The following CDH7 variants were observed in gnomAD, a reference collection of about 807,000 sequenced individuals.
The protein encoded by CDH7 is cadherin 7.
CDH7 carries 25 observed loss-of-function variants against 71.8 expected under a neutral mutation model. The observed-to-expected ratio is 0.35, with a 90% CI of 0.25 to 0.49. The LOEUF (loss-of-function observed/expected upper bound fraction) is 0.49. Among genes scored for constraint, CDH7 ranks in the 20% least tolerant of loss-of-function variants. CDH7 has a pLI of 0.99. For missense variants in CDH7, 862 were observed against 974.6 expected (o/e 0.88, Z 1.54); for synonymous variants, 381 against 363.8 (o/e 1.05, Z -0.54).
chr18:65,848,394 G>A (rs1384122757), intron 7 of CDH7, among the ~76,000 whole-genome samples: 2 of 152,132 alleles, frequency 1.3e-5, no homozygotes, highest in Non-Finnish European at 2.9e-5. Context: ...AGTAATAAGA[G>A]CTCATAAAAG....
At chr18:65,752,566 A>G (rs1915913989) in intron 1 of CDH7, among the ~76,000 whole-genome samples, 1 of 152,224 alleles carries the variant, frequency 6.6e-6, no homozygotes, top group Admixed American at 6.5e-5. Flanking sequence ...TCTATATGTC[A>G]AGGGGAAATG....
rs1161414220 is a variant in CDH7 at position 65,884,712 on chromosome 18, A to G, written c.*3818A>G. On this transcript the variant is annotated 3_prime_UTR_variant, in exon 12 of 12. Transcript: ENST00000397968. ...ATAAAATCTAAAGCAGCTTAAAATA[A>G]GCTAAGCTAAACAAACTGCAAGAAG... The G allele has an allele frequency of 6.6e-6, 1 of 152,252 alleles. No homozygotes were observed. Among genetic ancestry groups the G allele is most frequent in the Admixed American group, 6.5e-5 (1 of 15,280 alleles). 9.4% of individuals were successfully genotyped at this position (152,252 alleles called of 1,614,324 possible).
intron 2 of CDH7, among the ~76,000 whole-genome samples, chr18:65,781,815 CTTCCTTCT>C (rs1433111910): frequency 3.8e-4 from 22 of 58,326 alleles, no homozygotes; most frequent in South Asian, 2.0e-3. Context: ...TCCTTCCTTC[CTTCCTTCT>C]TTCTTTCTTT....
At chr18:65,781,880 G>GTC (rs1169422811) in intron 2 of CDH7, among the ~76,000 whole-genome samples, 392 of 25,936 alleles carry the variant, frequency 0.015, 59 homozygotes, top group African/African-American at 0.074. Flanking sequence ...CTCTCTCTCT[G>GTC]TCTCTCTCTC....
intron 2 of CDH7, among the ~76,000 whole-genome samples, chr18:65,782,771 A>G (rs1910361349): frequency 6.6e-6 from 1 of 152,192 alleles, no homozygotes; most frequent in Admixed American, 6.5e-5. Context: ...ATTAACATTA[A>G]ACTCACAGAC....
In CDH7 at chr18:65,884,672, CATTTATA is replaced by C. The variant is rs1166093742; in HGVS notation, c.*3779_*3785del. On this transcript the variant is annotated 3_prime_UTR_variant, in exon 12 of 12. Transcript: ENST00000397968. The stretch of plus-strand genomic sequence containing the variant: ...ATGCAAATGCAAATAGTGTTGTTAG[CATTTATA>C]TTGAAATATAAAATCTAAAGCAGCT... 6.7e-6 allele frequency: 1 copy of C among 150,106 alleles called. No homozygotes were observed. The highest frequency in any genetic ancestry group is 1.5e-5 in the Non-Finnish European group (1 of 67,458). The allele number at this position is 150,106 out of a possible 1,614,324, so 9.3% of individuals were successfully genotyped here.
rs554652622 is a variant in CDH7 at position 65,785,146 on chromosome 18, C to T, written c.210+22094C>T. ...ATTTAAATTACAATTTGGCTGAATC[C>T]AGTATGTTGTATCTGACAAGTTTTA... is the stretch of plus-strand genomic sequence containing the variant. On this transcript the variant is annotated intron_variant, in intron 2 of 11. Transcript: ENST00000397968. Among the ~76,000 whole-genome samples, 34 of 151,990 alleles carry T rather than the reference C, an allele frequency of 2.2e-4. 1 individual carries two copies. Among genetic ancestry groups the T allele is most frequent in the African/African-American group, 8.0e-4 (33 of 41,450 alleles).
intron 3 of CDH7, among the ~76,000 whole-genome samples, chr18:65,811,603 C>A (rs1478189060): frequency 6.6e-6 from 1 of 152,022 alleles, no homozygotes; most frequent in Non-Finnish European, 1.5e-5. Flanking sequence ...GTAACTGTTA[C>A]AAGATTTTAG....
rs114076181 is a variant in CDH7, at chr18:65,858,093, C to G, written c.1372+141C>G. The G allele has an allele frequency of 1.3e-3, 881 of 690,176 alleles. 8 individuals are homozygous for G. In the African/African-American group the frequency reaches 0.014, roughly 11 times the overall value. 42.8% of individuals were successfully genotyped at this position (690,176 alleles called of 1,614,324 possible). A position where few individuals can be genotyped will look rare whatever the true frequency, so the allele number is the denominator to read the frequency against. On this transcript the variant is annotated intron_variant, in intron 8 of 11. Coordinates refer to ENST00000397968, the MANE Select transcript of CDH7 (RefSeq NM_004361.5). ...AACTTGAGAATACCAAATTTCTAAG[C>G]TGTGAAATATACTTATCTTCACTGT...
chr18:65,824,594 TA>T, intron 5 of CDH7, 49 bp from the exon 6 acceptor site: 1 of 1,223,188 alleles, frequency 8.2e-7, no homozygotes, highest in African/African-American at 1.5e-5. Context: ...TTTAAATTTT[TA>T]TTGGTTAGTT....
intron 2 of CDH7, among the ~76,000 whole-genome samples, chr18:65,763,690 A>G (rs1247672919): frequency 6.6e-6 from 1 of 151,906 alleles, no homozygotes; most frequent in Non-Finnish European, 1.5e-5. Context: ...GAAGTCAGTT[A>G]GAAATGATAT....
chr18:65,838,914 T>C (rs1310273608), intron 6 of CDH7, among the ~76,000 whole-genome samples: 1 of 152,186 alleles, frequency 6.6e-6, no homozygotes. Context: ...TTGCTTATAA[T>C]CTAGCAGGAA....
intron 2 of CDH7, among the ~76,000 whole-genome samples, chr18:65,781,689 T>C (rs1358720310): frequency 6.6e-6 from 1 of 152,082 alleles, no homozygotes; most frequent in African/African-American, 2.4e-5. Context: ...GCTGTCTGAC[T>C]GATACTTAAG....
intron 11 of CDH7, among the ~76,000 whole-genome samples, chr18:65,873,922 T>G (rs1200520282): frequency 3.3e-5 from 5 of 152,214 alleles, no homozygotes; most frequent in Non-Finnish European, 5.9e-5. Flanking sequence ...TTTAACTCTT[T>G]ATTTTTTATT....
chr18:65,766,067 G>T (rs753299136), intron 2 of CDH7, among the ~76,000 whole-genome samples: 4 of 151,852 alleles, frequency 2.6e-5, no homozygotes, highest in Non-Finnish European at 5.9e-5. Context: ...GATGAAAGCC[G>T]GTATTATTTT....
intron 6 of CDH7, among the ~76,000 whole-genome samples, chr18:65,831,671 C>G (rs960709584): frequency 1.3e-5 from 2 of 152,024 alleles, no homozygotes; most frequent in Admixed American, 1.3e-4. Context: ...GCTTTCACAG[C>G]AACAGGAATC....
intron 6 of CDH7, among the ~76,000 whole-genome samples, chr18:65,837,281 A>T (rs1912563046): frequency 6.6e-6 from 1 of 152,214 alleles, no homozygotes. Flanking sequence ...AACGAGACTC[A>T]GTCCAAACTC....
chr18:65,824,216 G>GATTT (rs1318663481), intron 5 of CDH7, among the ~76,000 whole-genome samples: 1 of 150,904 alleles, frequency 6.6e-6, no homozygotes, highest in African/African-American at 2.4e-5. Flanking sequence ...TTATGAAAAT[G>GATTT]ATTTAGGCTT....
At chr18:65,794,257 A>G (rs1211460188) in intron 2 of CDH7, among the ~76,000 whole-genome samples, 1 of 152,086 alleles carries the variant, frequency 6.6e-6, no homozygotes, top group African/African-American at 2.4e-5. Flanking sequence ...TGAATACTAA[A>G]CTGATCTTTA....
Sources: allele counts gnomAD v4.1 joint callset (sites outside exome capture counted in the v4.1 genomes callset), GRCh38; gene constraint gnomAD v4.1.1; transcripts MANE v1.5; gene names NCBI Gene and HGNC (gene_info 2026-07-23, HGNC 2026-07-21).